GRID2: variants seen among roughly 807,000 people sequenced by gnomAD.
GRID2 encodes the protein glutamate ionotropic receptor delta type subunit 2, also known as glutamate receptor ionotropic, delta-2.
In GRID2, 33 loss-of-function variants were observed where a neutral mutation model predicts 114.8. The ratio of observed to expected loss-of-function variants is 0.29; its 90% CI spans 0.22 to 0.38. The LOEUF is 0.38. GRID2 is among the 10% of genes least tolerant of loss of function. The pLI, the probability that GRID2 is intolerant of heterozygous loss-of-function variation, is 1.00. For missense variants in GRID2, 1,184 were observed against 1,257.7 expected (o/e 0.94, Z 0.89); for synonymous variants, 505 against 449.9 (o/e 1.12, Z -1.55).
In GRID2 at chr4:93,644,107, C is replaced by G. The variant is rs1223628799; in HGVS notation, c.2360+17672C>G. On this transcript the variant is annotated intron_variant, in intron 14 of 15. Coordinates refer to ENST00000282020, the MANE Select transcript of GRID2 (RefSeq NM_001510.4). ...GCGTCCGTCACCCCTTTCTTTGACT[C>G]GGAAAGGGAACTCCCTGACCCCTTG... Among the ~76,000 whole-genome samples the G allele has an allele frequency of 1.4e-3, 117 of 81,804 alleles. 16 individuals are homozygous for G. Among genetic ancestry groups the G allele is most frequent in the South Asian group, 2.4e-3 (6 of 2,532 alleles). The allele number at this position is 81,804 out of a possible 152,430, so 53.7% of individuals were successfully genotyped here. A position where few individuals can be genotyped will look rare whatever the true frequency, so the allele number is the denominator to read the frequency against.
chr4:93,523,393 T>C (rs1730527020), intron 13 of GRID2, among the ~76,000 whole-genome samples: 1 of 152,112 alleles, frequency 6.6e-6, no homozygotes, highest in Admixed American at 6.6e-5. Flanking sequence ...GTATTACCAT[T>C]ATGACAACAA....
At chr4:93,156,490 GAAA>G (rs929043313) in intron 4 of GRID2, among the ~76,000 whole-genome samples, 1 of 151,758 alleles carries the variant, frequency 6.6e-6, no homozygotes, top group African/African-American at 2.4e-5. Flanking sequence ...CTGATAGAAA[GAAA>G]GAAGAAGATT....
chr4:92,877,728 C>T (rs905879551), intron 2 of GRID2, among the ~76,000 whole-genome samples: 1 of 152,140 alleles, frequency 6.6e-6, no homozygotes, highest in Non-Finnish European at 1.5e-5. Context: ...TATAGTCCTG[C>T]AAAGTGGTTT....
chr4:93,446,130 C>A (rs1009138346), intron 10 of GRID2, among the ~76,000 whole-genome samples: 1 of 152,002 alleles, frequency 6.6e-6, no homozygotes, highest in African/African-American at 2.4e-5. Flanking sequence ...TGCCAAGTTG[C>A]TGTTGTGACT....
At chr4:92,722,451 G>A (rs1312776295) in intron 2 of GRID2, among the ~76,000 whole-genome samples, 1 of 152,124 alleles carries the variant, frequency 6.6e-6, no homozygotes, top group African/African-American at 2.4e-5. Context: ...TGAGGAAAAG[G>A]GGAACGGGTG....
Position 93,206,591 on chromosome 4 carries a change from T to TACACACACACAC in GRID2, c.736-786_736-775dup, listed in dbSNP as rs5860312. On this transcript the variant is annotated intron_variant, in intron 4 of 15. Coordinates refer to ENST00000282020, the MANE Select transcript of GRID2 (RefSeq NM_001510.4). ...ACCTTCATATAGAAACTGCCCCTAC[T>TACACACACACAC]ACACACACACACACACACACACACA... is the stretch of plus-strand genomic sequence containing the variant. Among the ~76,000 whole-genome samples the TACACACACACAC allele has an allele frequency of 1.2e-3, 178 of 143,038 alleles. 1 individual carries two copies. Among genetic ancestry groups the TACACACACACAC allele is most frequent in the East Asian group, 3.6e-3 (17 of 4,754 alleles). The allele number at this position is 143,038 out of a possible 152,430, so 93.8% of individuals were successfully genotyped here.
At chr4:93,147,663 G>C (rs1394873092) in intron 4 of GRID2, among the ~76,000 whole-genome samples, 1 of 152,066 alleles carries the variant, frequency 6.6e-6, no homozygotes, top group Non-Finnish European at 1.5e-5. Context: ...AGAACAGAAG[G>C]GGAGGTGGCC....
chr4:93,076,634 T>A (rs76195541), intron 2 of GRID2, among the ~76,000 whole-genome samples: 3 of 115,244 alleles, frequency 2.6e-5, no homozygotes, highest in East Asian at 2.6e-4. Flanking sequence ...TTTTTTTTTT[T>A]AATGACAGAG....
At chr4:92,385,130 TGC>T (rs1729880466) in intron 1 of GRID2, among the ~76,000 whole-genome samples, 1 of 151,882 alleles carries the variant, frequency 6.6e-6, no homozygotes, top group South Asian at 2.1e-4. Flanking sequence ...TTAAGTTTCC[TGC>T]TATAAATGTT....
chr4:92,469,397 A>T (rs1721909959), intron 1 of GRID2, among the ~76,000 whole-genome samples: 1 of 152,090 alleles, frequency 6.6e-6, no homozygotes, highest in African/African-American at 2.4e-5. Flanking sequence ...CAAGCTCCTT[A>T]TGTAGAATGG....
intron 2 of GRID2, among the ~76,000 whole-genome samples, chr4:92,768,945 C>T (rs1738400024): frequency 6.6e-6 from 1 of 152,206 alleles, no homozygotes; most frequent in African/African-American, 2.4e-5. Context: ...TCCCAAATCT[C>T]ATGTCCTCAC....
At chr4:93,470,074 A>G (rs1402520514) in intron 11 of GRID2, among the ~76,000 whole-genome samples, 1 of 152,110 alleles carries the variant, frequency 6.6e-6, no homozygotes, top group Non-Finnish European at 1.5e-5. Context: ...AAATTAGGTT[A>G]AGCAAGTTGA....
chr4:92,731,931 A>G (rs892664278), intron 2 of GRID2, among the ~76,000 whole-genome samples: 1 of 151,976 alleles, frequency 6.6e-6, no homozygotes, highest in African/African-American at 2.4e-5. Context: ...GTGGAATTGC[A>G]TTTTTTAAAT....
intron 2 of GRID2, among the ~76,000 whole-genome samples, chr4:93,024,671 A>G (rs1024532926): frequency 6.6e-6 from 1 of 151,864 alleles, no homozygotes; most frequent in East Asian, 1.9e-4. Flanking sequence ...TGTCAAAATT[A>G]ATGACTGAAT....
chr4:92,911,454 T>G (rs574861059), intron 2 of GRID2, among the ~76,000 whole-genome samples: 1 of 152,194 alleles, frequency 6.6e-6, no homozygotes, highest in Non-Finnish European at 1.5e-5. Context: ...AGTGGATATT[T>G]ATTTCTGCAG....
chr4:92,526,953 T>A (rs918469767), intron 1 of GRID2, among the ~76,000 whole-genome samples: 5 of 152,136 alleles, frequency 3.3e-5, no homozygotes, highest in African/African-American at 9.6e-5. Flanking sequence ...AAGGAGCATC[T>A]ATATAGATAT....
chr4:92,398,045 GCA>G (rs202175652), intron 1 of GRID2, among the ~76,000 whole-genome samples: 20 of 151,944 alleles, frequency 1.3e-4, no homozygotes, highest in African/African-American at 4.3e-4. Flanking sequence ...AAATATGCTG[GCA>G]CACACACACA....
chr4:93,197,955 T>A (rs1560975034), intron 4 of GRID2, among the ~76,000 whole-genome samples: 1 of 152,364 alleles, frequency 6.6e-6, no homozygotes, highest in East Asian at 1.9e-4. Context: ...ATTCATTTTC[T>A]GATTTAATTT....
chr4:93,694,315 C>A (rs975402979), intron 14 of GRID2, among the ~76,000 whole-genome samples: 2 of 152,126 alleles, frequency 1.3e-5, no homozygotes, highest in Non-Finnish European at 2.9e-5. Context: ...TCCGCAAAGC[C>A]CCCAGAACCT....
Sources: gnomAD v4.1 joint callset for allele counts (sites outside exome capture counted in the v4.1 genomes callset) on GRCh38, gnomAD v4.1.1 for gene constraint, MANE v1.5 for transcripts, NCBI Gene and HGNC (gene_info 2026-07-23, HGNC 2026-07-21) for gene names.